Variants in TMX4 observed in about 807,000 individuals in gnomAD.
TMX4 encodes the protein thioredoxin-related transmembrane protein 4.
A neutral mutation model predicts 33.3 loss-of-function variants in TMX4; 23 were observed. That is an observed-to-expected ratio of 0.69 (90% CI 0.50 to 0.98). The LOEUF is 0.98. TMX4 is among the 50% of genes least tolerant of loss of function. TMX4 has a pLI of 0.00. For missense variants in TMX4, 399 were observed against 448.9 expected (o/e 0.89, Z 1.01); for synonymous variants, 164 against 161.5 (o/e 1.02, Z -0.12).
Position 7,982,399 on chromosome 20 carries a change from G to C in TMX4, c.902C>G (p.Pro301Arg), listed in dbSNP as rs559206377. ...CCGGGTCACACCGTCCTCTCCTGGG[G>C]GCCCCTGATCATTGGCCTCACTTCT... ...EERSEANDQGPPGEDGVTREE... is the reference protein window; with the variant it reads ...EERSEANDQGRPGEDGVTREE... Residue 301 changes from proline (P) to arginine (R), a missense_variant, in exon 8 of 8, where the codon CCC (proline) becomes CGC (arginine). By Grantham distance (103) the Pro-to-Arg change is moderately radical (BLOSUM62 -2). Transcript: ENST00000246024. 6.2e-7 allele frequency: 1 copy of C among 1,613,854 alleles called. No homozygotes were observed. The highest frequency in any genetic ancestry group is 8.5e-7 in the Non-Finnish European group (1 of 1,180,000).
chr20:8,010,064 A>C (rs1246458763), intron 2 of TMX4, 136 bp downstream of exon 2: 3 of 607,952 alleles, frequency 4.9e-6, no homozygotes, highest in Non-Finnish European at 5.8e-6. Context: ...TATGCAAAAA[A>C]TGTAATCTGC....
chr20:8,018,521 AGAGAGAG>A (rs1568541345), intron 1 of TMX4, among the ~76,000 whole-genome samples: 1,360 of 42,098 alleles, frequency 0.032, 288 homozygotes, highest in African/African-American at 0.1. Context: ...AGAGAGAGAG[AGAGAGAG>A]TCTGCAAGCC....
chr20:7,983,583 G>A (rs372655668), intron 7 of TMX4, among the ~76,000 whole-genome samples: 4 of 152,044 alleles, frequency 2.6e-5, no homozygotes, highest in African/African-American at 7.2e-5. Context: ...AAAAGAAAAA[G>A]CAATTGCCAA....
At chr20:8,006,213 C>T (rs1024433207) in intron 2 of TMX4, among the ~76,000 whole-genome samples, 5 of 152,034 alleles carry the variant, frequency 3.3e-5, no homozygotes, top group East Asian at 1.9e-4. Context: ...ACACCCCCAA[C>T]GCACACCCTG....
At chr20:7,983,624 G>A (rs1161114621) in intron 7 of TMX4, among the ~76,000 whole-genome samples, 170 bp downstream of exon 7, 1 of 152,052 alleles carries the variant, frequency 6.6e-6, no homozygotes, top group East Asian at 1.9e-4. Flanking sequence ...AAGAAAGGGA[G>A]AAAAATAATT....
chr20:8,012,147 G>A (rs539347568), intron 1 of TMX4, among the ~76,000 whole-genome samples: 5 of 152,208 alleles, frequency 3.3e-5, no homozygotes, highest in Admixed American at 1.3e-4. Flanking sequence ...TTCAACAAGC[G>A]TTCCATGATG....
chr20:7,986,340 C>T (rs962415984), intron 6 of TMX4, among the ~76,000 whole-genome samples: 1 of 152,050 alleles, frequency 6.6e-6, no homozygotes, highest in Non-Finnish European at 1.5e-5. Context: ...AAAGTCAAAT[C>T]GAGCCTCCTT....
At chr20:8,006,714 A>ACTTCTCATAGGAGAAGTTC (rs1276988144) in intron 2 of TMX4, among the ~76,000 whole-genome samples, 2 of 150,560 alleles carry the variant, frequency 1.3e-5, no homozygotes, top group African/African-American at 4.9e-5. Flanking sequence ...TATCTCACTA[A>ACTTCTCATAGGAGAAGTTC]CTTCTCATAG....
Position 7,978,863 on chromosome 20 carries a change from AAG to A in TMX4, c.*3386_*3387del, listed in dbSNP as rs1415254083. On this transcript the variant is annotated 3_prime_UTR_variant, in exon 8 of 8. Coordinates refer to ENST00000246024, the MANE Select transcript of TMX4 (RefSeq NM_021156.4). ...GCAGATCTAGCAAGAGACAAATAAT[AAG>A]AGAAACCAACATAAAGGTAATCAGA... The A allele has an allele frequency of 6.6e-6, 1 of 152,234 alleles. No homozygotes were observed. Among genetic ancestry groups the A allele is most frequent in the Admixed American group, 6.5e-5 (1 of 15,280 alleles). 9.4% of individuals were successfully genotyped at this position (152,234 alleles called of 1,614,324 possible).
At chr20:7,983,998 G>T (rs1186304240) in intron 6 of TMX4, 141 bp from the exon 7 acceptor site, 1 of 592,322 alleles carries the variant, frequency 1.7e-6, no homozygotes, top group Non-Finnish European at 3.0e-6. Context: ...AAGAGACAAG[G>T]ATATAATTAA....
Position 7,997,957 on chromosome 20 carries a change from T to G in TMX4, c.467+1775A>C, listed in dbSNP as rs543459701. The stretch of plus-strand genomic sequence containing the variant: ...TGATAATGAGTGATCTCTCAGGAGA[T>G]TTGGTTGTTTAACAGTGTGTGGCAC... On this transcript the variant is annotated intron_variant, in intron 4 of 7. Coordinates refer to ENST00000246024, the MANE Select transcript of TMX4 (RefSeq NM_021156.4). Among the ~76,000 whole-genome samples the G allele has an allele frequency of 5.9e-5, 9 of 152,176 alleles. No homozygotes were observed. The East Asian group carries it at 1.7e-3, about 29-fold the overall frequency.
chr20:7,990,078 C>T (rs967876268), intron 5 of TMX4, among the ~76,000 whole-genome samples: 18 of 152,020 alleles, frequency 1.2e-4, no homozygotes, highest in Non-Finnish European at 2.1e-4. Flanking sequence ...GGGTGAATCA[C>T]GAGGTCAGGA....
intron 4 of TMX4, among the ~76,000 whole-genome samples, chr20:7,999,339 T>C (rs898700436): frequency 6.6e-6 from 1 of 152,210 alleles, no homozygotes; most frequent in Non-Finnish European, 1.5e-5. Context: ...CCACATAATA[T>C]ATAATAGCAA....
In TMX4 at chr20:8,019,638, G is replaced by T; in HGVS notation, c.-25C>A. 7.5e-7 allele frequency: 1 copy of T among 1,328,048 alleles called. No homozygotes were observed. Among genetic ancestry groups the T allele is most frequent in the Non-Finnish European group, 9.6e-7 (1 of 1,039,526 alleles). 82.3% of individuals were successfully genotyped at this position (1,328,048 alleles called of 1,614,324 possible). On this transcript the variant is annotated 5_prime_UTR_variant, in exon 1 of 8. Transcript: ENST00000246024. ...TGTTGGGCGCCGAGCGAGGCTTCTC[G>T]GCGGGGAGTGTGGGGAAGGGCAGCG...
At chr20:7,998,841 G>A (rs1436748419) in intron 4 of TMX4, among the ~76,000 whole-genome samples, 1 of 152,154 alleles carries the variant, frequency 6.6e-6, no homozygotes, top group African/African-American at 2.4e-5. Context: ...TAGAAGAGCA[G>A]GTCCATAACC....
At chr20:7,983,462 G>A (rs2076013) in intron 7 of TMX4, among the ~76,000 whole-genome samples, 25,712 of 152,076 alleles carry the variant, frequency 0.17, 3,546 homozygotes, top group East Asian at 0.53. Context: ...GGACTTAGAA[G>A]AGTTACTAGC....
intron 1 of TMX4, 166 bp downstream of exon 1, chr20:8,019,272 G>C: frequency 1.2e-6 from 1 of 805,816 alleles, no homozygotes; most frequent in Non-Finnish European, 1.8e-6. Context: ...CGGCAGTGCA[G>C]GATCGCAAGC....
In TMX4 at chr20:7,983,818, G is replaced by T; in HGVS notation, c.655C>A (p.Pro219Thr). The stretch of plus-strand genomic sequence containing the variant: ...CCAGAACGCTCAGATAAATGCCTTG[G>T]AAGTGGCACATAGAAACATTCTGAT... ...VISECFYVPLPRHLSERSEQN... is the reference protein window; with the variant it reads ...VISECFYVPLTRHLSERSEQN... The change falls in exon 7 of 8, where the codon CCA becomes ACA. Residue 219 changes from proline to threonine, a missense_variant. Pro to Thr is a conservative substitution (Grantham distance 38). Transcript: ENST00000246024. 1 of 1,613,504 alleles carries T rather than the reference G, an allele frequency of 6.2e-7. No homozygotes were observed. Among genetic ancestry groups the T allele is most frequent in the African/African-American group, 1.3e-5 (1 of 74,932 alleles).
In TMX4 at chr20:7,981,922, G is replaced by T. The variant is rs1417129027; in HGVS notation, c.*329C>A. 3 of 219,406 alleles carry T rather than the reference G, an allele frequency of 1.4e-5. No homozygotes were observed. Among genetic ancestry groups the T allele is most frequent in the Non-Finnish European group, 2.7e-5 (3 of 111,654 alleles). 13.6% of individuals were successfully genotyped at this position (219,406 alleles called of 1,614,324 possible). ...GCTTGGCTTTCATTTCACAGGGCCT[G>T]CAGCCTTGTCTCTGGAAGGTGCTGA... On this transcript the variant is annotated 3_prime_UTR_variant, in exon 8 of 8. Coordinates refer to ENST00000246024, the MANE Select transcript of TMX4 (RefSeq NM_021156.4).
Sources: gnomAD v4.1 joint callset for allele counts (sites outside exome capture counted in the v4.1 genomes callset) on GRCh38, gnomAD v4.1.1 for gene constraint, MANE v1.5 for transcripts, NCBI Gene and HGNC (gene_info 2026-07-23, HGNC 2026-07-21) for gene names.